Variants in ST6GALNAC3 observed in about 807,000 individuals in gnomAD.
The protein encoded by ST6GALNAC3 is alpha-N-acetylgalactosaminide alpha-2,6-sialyltransferase 3.
A neutral mutation model predicts 32.7 loss-of-function variants in ST6GALNAC3; 25 were observed. The ratio of observed to expected loss-of-function variants is 0.76; its 90% CI spans 0.56 to 1.07. The LOEUF (loss-of-function observed/expected upper bound fraction) is 1.07. ST6GALNAC3 is among the 50% of genes least tolerant of loss of function. The probability of loss-of-function intolerance (pLI) is 0.00; values close to 1 mark genes in which losing one functional copy is unlikely to be tolerated. For synonymous variants in ST6GALNAC3, 129 were observed against 133.1 expected, an observed-to-expected ratio of 0.97 and a Z score of 0.21; for missense variants, 355 against 382.4, an observed-to-expected ratio of 0.93 and a Z score of 0.60.
At chr1:76,452,175 C>G (rs1213014064) in intron 3 of ST6GALNAC3, among the ~76,000 whole-genome samples, 1 of 152,078 alleles carries the variant, frequency 6.6e-6, no homozygotes, top group Non-Finnish European at 1.5e-5. Context: ...CTTTTACATG[C>G]TGGTCTCATG....
intron 1 of ST6GALNAC3, among the ~76,000 whole-genome samples, chr1:76,302,024 T>C (rs541324556): frequency 2.4e-4 from 36 of 152,000 alleles, no homozygotes; most frequent in Non-Finnish European, 4.9e-4. Context: ...CCAGGCACCA[T>C]TTCTGATTCT....
intron 3 of ST6GALNAC3, among the ~76,000 whole-genome samples, chr1:76,512,844 A>C (rs1000223662): frequency 4.6e-5 from 7 of 152,054 alleles, no homozygotes; most frequent in African/African-American, 1.7e-4. Flanking sequence ...AGCCATTCTA[A>C]ATGGAGCAAG....
rs79171622 is a variant in ST6GALNAC3 at position 76,534,783 on chromosome 1, G to A, written c.624-92669G>A. ...CCAGTGTCTAAATTGTACATGGCAT[G>A]TCATAGGTGATCAGGTAATAGGCTT... On this transcript the variant is annotated intron_variant, in intron 3 of 4. Transcript: ENST00000328299. Among the ~76,000 whole-genome samples the A allele has an allele frequency of 7.0e-3, 1,064 of 152,290 alleles. 17 individuals carry two copies. Among genetic ancestry groups the A allele is most frequent in the East Asian group, 0.041 (211 of 5,166 alleles).
At chr1:76,320,660 T>C (rs1415248633) in intron 2 of ST6GALNAC3, among the ~76,000 whole-genome samples, 1 of 152,086 alleles carries the variant, frequency 6.6e-6, no homozygotes, top group Admixed American at 6.5e-5. Flanking sequence ...AGAAAATGCA[T>C]TCATTGGGTA....
At chr1:76,255,896 A>G (rs965301389) in intron 1 of ST6GALNAC3, among the ~76,000 whole-genome samples, 2 of 152,110 alleles carry the variant, frequency 1.3e-5, no homozygotes, top group African/African-American at 4.8e-5. Context: ...AAGAAAATAA[A>G]ATAAAGATCA....
chr1:76,107,238 A>G (rs1378725004), intron 1 of ST6GALNAC3, among the ~76,000 whole-genome samples: 1 of 152,052 alleles, frequency 6.6e-6, no homozygotes, highest in Non-Finnish European at 1.5e-5. Flanking sequence ...GATGAGAATA[A>G]TAGCAGTTAT....
chr1:76,627,291 G>C (rs1321360007), intron 3 of ST6GALNAC3, among the ~76,000 whole-genome samples, 161 bp from the exon 4 acceptor site: 1 of 151,930 alleles, frequency 6.6e-6, no homozygotes, highest in Non-Finnish European at 1.5e-5. Context: ...TTCAAAACAA[G>C]TGTGCATCTT....
intron 3 of ST6GALNAC3, among the ~76,000 whole-genome samples, chr1:76,551,475 AT>A (rs1307896269): frequency 1.3e-5 from 2 of 152,030 alleles, no homozygotes; most frequent in Non-Finnish European, 2.9e-5. Flanking sequence ...TGTGAATAAG[AT>A]TTTTTTCATC....
At chr1:76,108,925 A>G (rs1571167801) in intron 1 of ST6GALNAC3, among the ~76,000 whole-genome samples, 2 of 152,100 alleles carry the variant, frequency 1.3e-5, no homozygotes, top group East Asian at 3.9e-4. Flanking sequence ...AAATTTTCAC[A>G]TCTAAAATAA....
chr1:76,375,954 T>C (rs1207427608), intron 2 of ST6GALNAC3, among the ~76,000 whole-genome samples: 3 of 152,140 alleles, frequency 2.0e-5, no homozygotes, highest in Non-Finnish European at 4.4e-5. Context: ...TGCATATTTA[T>C]ATATGAAGAG....
chr1:76,172,594 C>T (rs944906470), intron 1 of ST6GALNAC3, among the ~76,000 whole-genome samples: 22 of 71,472 alleles, frequency 3.1e-4, no homozygotes, highest in Admixed American at 9.8e-4. Context: ...ACCCCATCAC[C>T]TCAGCCCAAA....
chr1:76,612,028 T>G (rs946879609), intron 3 of ST6GALNAC3, among the ~76,000 whole-genome samples: 1 of 152,210 alleles, frequency 6.6e-6, no homozygotes, highest in African/African-American at 2.4e-5. Context: ...ACCTGCGACT[T>G]GATAAAATTA....
chr1:76,583,193 T>C (rs1646915792), intron 3 of ST6GALNAC3, among the ~76,000 whole-genome samples: 1 of 152,202 alleles, frequency 6.6e-6, no homozygotes, highest in Non-Finnish European at 1.5e-5. Flanking sequence ...TATTGTACCA[T>C]ACTCAGTTGA....
At chr1:76,179,175 G>A (rs764481520) in intron 1 of ST6GALNAC3, among the ~76,000 whole-genome samples, 20 of 152,154 alleles carry the variant, frequency 1.3e-4, no homozygotes, top group African/African-American at 4.3e-4. Flanking sequence ...AAGATGGGTC[G>A]GAATTGAATA....
At chr1:76,261,278 A>G (rs1459755748) in intron 1 of ST6GALNAC3, among the ~76,000 whole-genome samples, 1 of 152,070 alleles carries the variant, frequency 6.6e-6, no homozygotes, top group Non-Finnish European at 1.5e-5. Flanking sequence ...CCTTTTGTTG[A>G]TTTGGATATG....
intron 3 of ST6GALNAC3, among the ~76,000 whole-genome samples, chr1:76,555,819 A>T (rs1312595694): frequency 6.6e-6 from 1 of 152,138 alleles, no homozygotes; most frequent in Admixed American, 6.6e-5. Flanking sequence ...TCTGGGTACC[A>T]GGAAAATTCA....
At chr1:76,599,186 T>G (rs1440144432) in intron 3 of ST6GALNAC3, among the ~76,000 whole-genome samples, 1 of 151,830 alleles carries the variant, frequency 6.6e-6, no homozygotes, top group African/African-American at 2.4e-5. Context: ...CTTGTAATTT[T>G]CTTATGTATA....
At chr1:76,171,088 G>GGGGTGTGTGT (rs1553161849) in intron 1 of ST6GALNAC3, among the ~76,000 whole-genome samples, 1 of 149,484 alleles carries the variant, frequency 6.7e-6, no homozygotes, top group Non-Finnish European at 1.5e-5. Context: ...CATTGAGAGG[G>GGGGTGTGTGT]GTGTGTGTGT....
intron 2 of ST6GALNAC3, among the ~76,000 whole-genome samples, chr1:76,333,246 T>C (rs1239478987): frequency 2.0e-5 from 3 of 152,330 alleles, no homozygotes; most frequent in African/African-American, 4.8e-5. Flanking sequence ...AAGATTTGCA[T>C]TGCATACAAA....
Sources: allele counts gnomAD v4.1 joint callset (sites outside exome capture counted in the v4.1 genomes callset), GRCh38; gene constraint gnomAD v4.1.1; transcripts MANE v1.5; gene names NCBI Gene and HGNC (gene_info 2026-07-23, HGNC 2026-07-21).